Variants in SASH1 observed in about 807,000 individuals in gnomAD.
SASH1 encodes the protein SAM and SH3 domain containing 1, also known as SAM and SH3 domain-containing protein 1.
SASH1 carries 44 observed loss-of-function variants against 125.2 expected under a neutral mutation model. The observed-to-expected ratio is 0.35, with a 90% CI of 0.28 to 0.45. The LOEUF (loss-of-function observed/expected upper bound fraction) is 0.45. SASH1 is among the 20% of genes least tolerant of loss of function. SASH1 has a pLI of 1.00. For synonymous variants in SASH1, 639 were observed against 649.1 expected, an observed-to-expected ratio of 0.98 and a Z score of 0.24; for missense variants, 1,426 against 1,614.5, an observed-to-expected ratio of 0.88 and a Z score of 2.00.
chr6:148,228,906 C>T, the SASH1 span, among the ~76,000 whole-genome samples: 28 of 151,968 alleles, frequency 1.8e-4, no homozygotes, highest in African/African-American at 6.0e-4. Flanking sequence ...GAGGCCGAGG[C>T]GGGCAGATCA....
rs1174644909 is a variant in SASH1 at position 148,302,311 on chromosome 6, C to CAAA, written n.74+29962_74+29964dup. On this transcript the variant is annotated intron_variant and non_coding_transcript_variant, in intron 1 of 3. Transcript: ENST00000367469. ...TGGGCGACAGAGCAAGACTCCGTCT[C>CAAA]AAAAAAAAAAAAAAAAAAAAAAAAA... Among the ~76,000 whole-genome samples, 67 of 44,878 alleles carry CAAA rather than the reference C, an allele frequency of 1.5e-3. 2 individuals carry two copies. The highest frequency in any genetic ancestry group is 2.1e-3 in the East Asian group (1 of 484). The allele number at this position is 44,878 out of a possible 152,430, so 29.4% of individuals were successfully genotyped here.
chr6:148,226,645 C>T, the SASH1 span, among the ~76,000 whole-genome samples: 2 of 152,176 alleles, frequency 1.3e-5, no homozygotes, highest in African/African-American at 2.4e-5. Flanking sequence ...TCTCTTCTTT[C>T]TTCTGTGCCT....
intron 1 of SASH1, among the ~76,000 whole-genome samples, chr6:148,328,095 T>G (rs1780890579): frequency 6.6e-6 from 1 of 152,172 alleles, no homozygotes; most frequent in African/African-American, 2.4e-5. Context: ...CGGTGACTAC[T>G]CACACATGCG....
chr6:148,282,396 T>A (rs1779365177), intron 1 of SASH1, among the ~76,000 whole-genome samples: 1 of 152,120 alleles, frequency 6.6e-6, no homozygotes, highest in South Asian at 2.1e-4. Context: ...TTTTTTTCTT[T>A]TTTGAGATGG....
chr6:148,459,024 C>A (rs954719511), intron 4 of SASH1, among the ~76,000 whole-genome samples: 1 of 139,408 alleles, frequency 7.2e-6, no homozygotes, highest in African/African-American at 2.7e-5. Context: ...ACACACACAC[C>A]CTCTAGCATA....
chr6:148,508,379 AGTCCTT>A, intron 8 of SASH1: 1 of 626,126 alleles, frequency 1.6e-6, no homozygotes, highest in Non-Finnish European at 2.0e-6. Flanking sequence ...TTTAAGGGTT[AGTCCTT>A]GTCCTCCTTG....
At chr6:148,202,469 G>C in the SASH1 span, among the ~76,000 whole-genome samples, 1 of 152,170 alleles carries the variant, frequency 6.6e-6, no homozygotes, top group Non-Finnish European at 1.5e-5. Flanking sequence ...TGGTGGGCTG[G>C]TCTACCCTGC....
At chr6:148,204,146 C>T in the SASH1 span, among the ~76,000 whole-genome samples, 4 of 152,272 alleles carry the variant, frequency 2.6e-5, no homozygotes, top group African/African-American at 4.8e-5. Flanking sequence ...CCTCTCGGGC[C>T]GCTCGGCAAG....
intron 1 of SASH1, among the ~76,000 whole-genome samples, chr6:148,326,376 A>ATATATATATATATACTTTCTTTTCTT (rs1582968893): frequency 2.6e-5 from 1 of 38,294 alleles, no homozygotes; most frequent in African/African-American, 8.4e-5. Flanking sequence ...ATATATATAC[A>ATATATATATATATACTTTCTTTTCTT]TTCTTTTCTT....
chr6:148,444,972 C>G (rs751882002), intron 4 of SASH1, among the ~76,000 whole-genome samples: 3 of 152,164 alleles, frequency 2.0e-5, no homozygotes, highest in Non-Finnish European at 2.9e-5. Context: ...AACTGAGCAT[C>G]CCTCCCTTTT....
intron 4 of SASH1, among the ~76,000 whole-genome samples, chr6:148,466,055 C>A (rs568047581): frequency 3.9e-5 from 6 of 152,234 alleles, no homozygotes; most frequent in Non-Finnish European, 5.9e-5. Flanking sequence ...TGGCTACCTC[C>A]TAAAAGCCTT....
the SASH1 span, among the ~76,000 whole-genome samples, chr6:148,248,454 C>T: frequency 2.6e-5 from 4 of 152,214 alleles, no homozygotes; most frequent in African/African-American, 4.8e-5. Context: ...TGCGGCATAA[C>T]GTGCAGAATT....
chr6:148,327,234 C>G (rs576787243), intron 1 of SASH1, among the ~76,000 whole-genome samples: 1 of 151,418 alleles, frequency 6.6e-6, no homozygotes, highest in East Asian at 1.9e-4. Flanking sequence ...CATGGAGGAA[C>G]GAACGGACGA....
At chr6:148,427,257 C>G (rs904675308) in intron 2 of SASH1, among the ~76,000 whole-genome samples, 1 of 152,058 alleles carries the variant, frequency 6.6e-6, no homozygotes, top group Non-Finnish European at 1.5e-5. Context: ...ATGGTCTTTA[C>G]CCCTGGGAAA....
At chr6:148,197,571 A>C in the SASH1 span, among the ~76,000 whole-genome samples, 2 of 152,200 alleles carry the variant, frequency 1.3e-5, no homozygotes, top group South Asian at 4.1e-4. Context: ...CACCTGGAGC[A>C]TTCTGCTCCC....
At chr6:148,463,101 T>G (rs1341328608) in intron 4 of SASH1, among the ~76,000 whole-genome samples, 1 of 152,146 alleles carries the variant, frequency 6.6e-6, no homozygotes, top group Non-Finnish European at 1.5e-5. Flanking sequence ...AAAGAAAATA[T>G]GGCAACCTAG....
At chr6:148,526,982 C>T (rs564873523) in intron 11 of SASH1, among the ~76,000 whole-genome samples, 3 of 152,170 alleles carry the variant, frequency 2.0e-5, no homozygotes, top group Admixed American at 2.0e-4. Flanking sequence ...ACACCATTCT[C>T]CTGCCTCAGC....
rs1301677033 is a variant in SASH1 at position 148,550,890 on chromosome 6, A to G, written c.*2332A>G. The G allele has an allele frequency of 2.0e-5, 3 of 152,336 alleles. No homozygotes were observed. Among genetic ancestry groups the G allele is most frequent in the Non-Finnish European group, 4.4e-5 (3 of 68,046 alleles). 9.4% of individuals were successfully genotyped at this position (152,336 alleles called of 1,614,324 possible). The stretch of plus-strand genomic sequence containing the variant: ...AAAGGAGCGAGAGAAATCTCATGTG[A>G]ATTTCCAAGTTTTAATTCGTTCTCC... On this transcript the variant is annotated 3_prime_UTR_variant, in exon 20 of 20. Coordinates refer to ENST00000367467, the MANE Select transcript of SASH1 (RefSeq NM_015278.5).
At chr6:148,423,869 C>T (rs1184867707) in intron 2 of SASH1, among the ~76,000 whole-genome samples, 1 of 152,126 alleles carries the variant, frequency 6.6e-6, no homozygotes, top group Non-Finnish European at 1.5e-5. Flanking sequence ...TGGGCTAGAA[C>T]TTGCAGTTCC....
Sources: gnomAD v4.1 joint callset for allele counts (sites outside exome capture counted in the v4.1 genomes callset) on GRCh38, gnomAD v4.1.1 for gene constraint, MANE v1.5 for transcripts, NCBI Gene and HGNC (gene_info 2026-07-23, HGNC 2026-07-21) for gene names.